RIPOR3: variants seen among roughly 807,000 people sequenced by gnomAD.
RIPOR3 encodes RIPOR family member 3, also known as family with sequence similarity 65 member C.
Under a neutral mutation model 114.3 loss-of-function variants are expected in RIPOR3, and 95 were observed. The observed-to-expected ratio is 0.83, with a 90% CI of 0.70 to 0.99. The LOEUF is 0.99. Ranked by LOEUF, RIPOR3 falls within the 50% of genes least tolerant of loss-of-function variation. RIPOR3 has a pLI of 0.00. For missense variants in RIPOR3, 1,252 were observed against 1,266.9 expected, an observed-to-expected ratio of 0.99 and a Z score of 0.18; for synonymous variants, 575 against 543.8, an observed-to-expected ratio of 1.06 and a Z score of -0.80.
intron 2 of RIPOR3, among the ~76,000 whole-genome samples, chr20:50,626,526 G>T (rs2084625503): frequency 6.6e-6 from 1 of 152,198 alleles, no homozygotes; most frequent in East Asian, 1.9e-4. Flanking sequence ...CCAGGAAGGG[G>T]CCAACGAGAG....
chr20:50,612,148 A>T (rs2084001699), intron 4 of RIPOR3, among the ~76,000 whole-genome samples: 2 of 151,808 alleles, frequency 1.3e-5, no homozygotes, highest in African/African-American at 2.4e-5. Flanking sequence ...AAAGAAAAAA[A>T]GTAGGACCAT....
intron 2 of RIPOR3, among the ~76,000 whole-genome samples, chr20:50,623,966 A>AG (rs777146639): frequency 2.5e-3 from 380 of 152,246 alleles, no homozygotes; most frequent in Non-Finnish European, 3.7e-3. Context: ...CCTACCCAGT[A>AG]GCTGGGATTA....
At position 50,608,542 on chromosome 20, in the gene RIPOR3, T is replaced by TGG; in HGVS notation, c.811-10_811-9dup. 1 of 1,613,662 alleles carries TGG rather than the reference T, an allele frequency of 6.2e-7. No individual in the cohort carries two copies. Among genetic ancestry groups the TGG allele is most frequent in the Non-Finnish European group, 8.5e-7 (1 of 1,179,858 alleles). ...GCCCCGCAACTCCGTCACCTGGGGGTGGGGGCTGGAGGGTGGTGTCTGAGC... is the reference window on the plus strand; with the variant it reads ...GCCCCGCAACTCCGTCACCTGGGGGTGGGGGGGCTGGAGGGTGGTGTCTGAGC... On this transcript the variant is annotated splice_polypyrimidine_tract_variant and intron_variant, in intron 10 of 21. Coordinates refer to ENST00000327979, the MANE Select transcript of RIPOR3 (RefSeq NM_001290268.2).
chr20:50,587,365 G>A (rs1163555559), intron 21 of RIPOR3, 33 bp from the exon 22 acceptor site: 2 of 1,591,150 alleles, frequency 1.3e-6, no homozygotes, highest in South Asian at 2.2e-5. Flanking sequence ...CAGCGGGTTG[G>A]ATCCTGCCTT....
At chr20:50,636,180 G>A (rs1389014568) in intron 1 of RIPOR3, among the ~76,000 whole-genome samples, 3 of 152,220 alleles carry the variant, frequency 2.0e-5, no homozygotes, top group Non-Finnish European at 4.4e-5. Context: ...CTGGATGATT[G>A]GGGATGGGAT....
chr20:50,619,670 T>G (rs944992850), intron 3 of RIPOR3, among the ~76,000 whole-genome samples: 4 of 152,326 alleles, frequency 2.6e-5, no homozygotes, highest in African/African-American at 9.6e-5. Context: ...CCTTTCTTCA[T>G]TGCACTCAGC....
chr20:50,623,771 G>A (rs921859984), intron 2 of RIPOR3, among the ~76,000 whole-genome samples: 8 of 152,158 alleles, frequency 5.3e-5, no homozygotes, highest in African/African-American at 9.7e-5. Context: ...ACCTGCTGCC[G>A]CCAGGAGCTC....
chr20:50,641,776 C>T (rs1436201320), intron 1 of RIPOR3, among the ~76,000 whole-genome samples: 1 of 152,248 alleles, frequency 6.6e-6, no homozygotes. Context: ...CTCCCACTCT[C>T]CTTGCTCCCA....
In RIPOR3 at chr20:50,691,305, G is replaced by T. The variant is rs2087205846; in HGVS notation, c.-177C>A. 6 of 780,266 alleles carry T rather than the reference G, an allele frequency of 7.7e-6. No homozygotes were observed. In the East Asian group the frequency reaches 2.0e-4, roughly 26 times the overall value. 48.3% of individuals were successfully genotyped at this position (780,266 alleles called of 1,614,324 possible). A position where few individuals can be genotyped will look rare whatever the true frequency, so the allele number is the denominator to read the frequency against. On this transcript the variant is annotated 5_prime_UTR_variant, in exon 1 of 22. Coordinates refer to ENST00000327979, the MANE Select transcript of RIPOR3 (RefSeq NM_001290268.2). Reference sequence around the variant, plus strand: ...AGCCGCTGGTCCCGCTCTCTGGGAAGATCGCCTTGAGGACCTGCTGCGCCC... The same window carrying T: ...AGCCGCTGGTCCCGCTCTCTGGGAATATCGCCTTGAGGACCTGCTGCGCCC...
At chr20:50,629,037 G>A (rs1017540096) in intron 2 of RIPOR3, among the ~76,000 whole-genome samples, 1 of 152,204 alleles carries the variant, frequency 6.6e-6, no homozygotes, top group South Asian at 2.1e-4. Flanking sequence ...AATGCCTGCA[G>A]GTGATTCAAC....
chr20:50,684,484 A>G (rs4809807), intron 1 of RIPOR3, among the ~76,000 whole-genome samples: 124,661 of 151,976 alleles, frequency 0.82, 51,888 homozygotes, highest in East Asian at 0.96. Context: ...GTGGGCCGTG[A>G]TGAGGACTTT....
At chr20:50,597,547 C>G in intron 14 of RIPOR3, 33 bp downstream of exon 14, 4 of 1,583,058 alleles carry the variant, frequency 2.5e-6, no homozygotes, top group Non-Finnish European at 2.6e-6. Context: ...GAGTGGTGGC[C>G]ACTGGGTCAC....
Position 50,620,052 on chromosome 20 carries a change from G to T in RIPOR3, c.203C>A (p.Ser68Ter), listed in dbSNP as rs775770067. The T allele has an allele frequency of 6.2e-7, 1 of 1,614,154 alleles. No homozygotes were observed. The highest frequency in any genetic ancestry group is 1.7e-5 in the Admixed American group (1 of 60,022). The change falls in exon 3 of 22, where the codon TCG becomes TAG. Residue 68 changes from serine to a stop codon, truncating the protein, a stop_gained. Transcript: ENST00000327979. LOFTEE classifies it high-confidence loss of function. ...CTGGGGCTTCGGGTCTGCACAGACCGACCCCTTCCGCAGCGTGCCGTACAT... is the reference window on the plus strand; with the variant it reads ...CTGGGGCTTCGGGTCTGCACAGACCTACCCCTTCCGCAGCGTGCCGTACAT... ...SKMYGTLRKG[S>*]VCADPKPQQV...
intron 1 of RIPOR3, among the ~76,000 whole-genome samples, chr20:50,644,890 A>G (rs2085349344): frequency 6.8e-6 from 1 of 146,880 alleles, no homozygotes; most frequent in Non-Finnish European, 1.5e-5. Flanking sequence ...CCCAGACTGG[A>G]GTGCAGGGGC....
intron 20 of RIPOR3, among the ~76,000 whole-genome samples, chr20:50,589,198 T>C (rs899441679): frequency 7.9e-5 from 12 of 151,558 alleles, no homozygotes; most frequent in Non-Finnish European, 1.6e-4. Context: ...TTTTAAATGC[T>C]CACACACACC....
At chr20:50,680,411 C>T (rs2086820083) in intron 1 of RIPOR3, among the ~76,000 whole-genome samples, 1 of 152,172 alleles carries the variant, frequency 6.6e-6, no homozygotes, top group Non-Finnish European at 1.5e-5. Context: ...AGTTAATCAA[C>T]AGAACTCAAG....
At chr20:50,624,305 A>C (rs1568882578) in intron 2 of RIPOR3, among the ~76,000 whole-genome samples, 1 of 152,096 alleles carries the variant, frequency 6.6e-6, no homozygotes, top group Non-Finnish European at 1.5e-5. Context: ...ACTCGGGAAA[A>C]GGCAGGTTTC....
In RIPOR3 at chr20:50,608,483, C is replaced by T; in HGVS notation, c.862G>A (p.Asp288Asn). 6.2e-7 allele frequency: 1 copy of T among 1,613,984 alleles called. No homozygotes were observed. Among genetic ancestry groups the T allele is most frequent in the South Asian group, 1.1e-5 (1 of 91,086 alleles). The change falls in exon 11 of 22, where the codon GAC becomes AAC. Residue 288 changes from aspartate (D) to asparagine (N), a missense_variant. Physicochemically the swap from Asp to Asn is conservative, Grantham distance 23. Transcript: ENST00000327979. Reference protein sequence around the residue: ...GSLAVGAVTCDIADFFTTRPQ... With the variant: ...GSLAVGAVTCNIADFFTTRPQ... ...CGCGTCGTGAAGAAGTCGGCGATGT[C>T]ACACGTCACTGCACCCACAGCCAGC...
chr20:50,631,454 A>T (rs951688220), intron 1 of RIPOR3, among the ~76,000 whole-genome samples: 5 of 152,202 alleles, frequency 3.3e-5, no homozygotes, highest in Non-Finnish European at 7.3e-5. Flanking sequence ...AAAGGCCAGG[A>T]TGCATGAGGG....
Sources: allele counts gnomAD v4.1 joint callset (sites outside exome capture counted in the v4.1 genomes callset), GRCh38; gene constraint gnomAD v4.1.1; transcripts MANE v1.5; gene names NCBI Gene and HGNC (gene_info 2026-07-23, HGNC 2026-07-21).